MCF2L2: variants seen among roughly 807,000 people sequenced by gnomAD.
The protein encoded by MCF2L2 is probable guanine nucleotide exchange factor MCF2L2.
In MCF2L2, 102 loss-of-function variants were observed where a neutral mutation model predicts 150.2. The observed-to-expected ratio is 0.68, with a 90% CI of 0.58 to 0.80. The LOEUF is 0.80. Among genes scored for constraint, MCF2L2 ranks in the 30% least tolerant of loss-of-function variants. The pLI is 0.00. For missense variants in MCF2L2, 1,256 were observed against 1,372.8 expected (o/e 0.91, Z 1.34); for synonymous variants, 465 against 491.3 (o/e 0.95, Z 0.71).
intron 25 of MCF2L2, among the ~76,000 whole-genome samples, chr3:183,198,013 C>G (rs9878837): frequency 0.61 from 92,117 of 152,040 alleles, 28,231 homozygotes; most frequent in East Asian, 0.67. Flanking sequence ...ACTTTGGAAA[C>G]TATTTAGAAA....
rs900357307 is a variant in MCF2L2, at chr3:183,305,496, G to A, written c.1113+4220C>T. Among the ~76,000 whole-genome samples the A allele has an allele frequency of 3.3e-5, 5 of 152,160 alleles. No homozygotes were observed. The highest frequency in any genetic ancestry group is 7.3e-5 in the Non-Finnish European group (5 of 68,034). On this transcript the variant is annotated intron_variant, in intron 10 of 29. Coordinates refer to ENST00000328913, the MANE Select transcript of MCF2L2 (RefSeq NM_015078.4). This position sits in a 1 kb window ranked among gnomAD's most constrained non-coding sequence, Gnocchi z 4.1. ...TCAGAATTTTCCAGAAGACATTTGA[G>A]ATGTTAGAGGGAAGATGTGTGTAAC... is the stretch of plus-strand genomic sequence containing the variant.
At chr3:183,238,940 C>T (rs1312193709) in intron 15 of MCF2L2, among the ~76,000 whole-genome samples, 1 of 141,134 alleles carries the variant, frequency 7.1e-6, no homozygotes, top group Non-Finnish European at 1.5e-5. Context: ...GAGCTTGCAG[C>T]GAGCCGAGAT....
At chr3:183,406,866 AT>A (rs1715070971) in intron 1 of MCF2L2, among the ~76,000 whole-genome samples, 1 of 152,198 alleles carries the variant, frequency 6.6e-6, no homozygotes, top group African/African-American at 2.4e-5. Context: ...AGAAAAAAAA[AT>A]GTCAACGTTA....
At chr3:183,362,071 A>G (rs1712241607) in intron 3 of MCF2L2, among the ~76,000 whole-genome samples, 1 of 152,142 alleles carries the variant, frequency 6.6e-6, no homozygotes, top group African/African-American at 2.4e-5. Context: ...AAATATTCCA[A>G]AATCTGAAAA....
At chr3:183,260,259 T>C (rs1176469925) in intron 15 of MCF2L2, among the ~76,000 whole-genome samples, 2 of 152,084 alleles carry the variant, frequency 1.3e-5, no homozygotes, top group African/African-American at 2.4e-5. Flanking sequence ...GCTACCACAT[T>C]CGTAAGGCAT....
chr3:183,202,031 G>A (rs1266244850), intron 25 of MCF2L2, among the ~76,000 whole-genome samples: 1 of 152,118 alleles, frequency 6.6e-6, no homozygotes, highest in Non-Finnish European at 1.5e-5. Flanking sequence ...TTCCTTGGTG[G>A]TAGCCTTAGA....
At chr3:183,358,907 A>C (rs1332901108) in intron 3 of MCF2L2, among the ~76,000 whole-genome samples, 1 of 152,100 alleles carries the variant, frequency 6.6e-6, no homozygotes, top group Non-Finnish European at 1.5e-5. Flanking sequence ...GGGTATGATT[A>C]CTACCATGCC....
At chr3:183,394,229 G>A (rs1714322108) in intron 1 of MCF2L2, among the ~76,000 whole-genome samples, 1 of 152,172 alleles carries the variant, frequency 6.6e-6, no homozygotes, top group Non-Finnish European at 1.5e-5. Flanking sequence ...CCATGAACCA[G>A]GATCTCTGCT....
intron 3 of MCF2L2, among the ~76,000 whole-genome samples, chr3:183,359,196 C>T (rs1455564649): frequency 6.6e-6 from 1 of 152,130 alleles, no homozygotes; most frequent in Non-Finnish European, 1.5e-5. Context: ...ACAGCCCTTA[C>T]AGGAATTAAG....
chr3:183,373,346 T>C lies in MCF2L2; in HGVS notation c.275+5951A>G, dbSNP rs544791947. The C allele has an allele frequency of 2.0e-5, 3 of 152,322 alleles. No homozygotes were observed. The South Asian group carries it at 6.2e-4, about 32-fold the overall frequency. 9.4% of individuals were successfully genotyped at this position (152,322 alleles called of 1,614,324 possible). On this transcript the variant is annotated intron_variant, in intron 3 of 29. Coordinates refer to ENST00000328913, the MANE Select transcript of MCF2L2 (RefSeq NM_015078.4). Reference sequence around the variant, plus strand: ...CAATAGTTCCTTATGTACAGTACTATACATAATTCACAAAGAAATTCCAGG... The same window carrying C: ...CAATAGTTCCTTATGTACAGTACTACACATAATTCACAAAGAAATTCCAGG...
At chr3:183,190,659 C>A (rs894885566) in intron 27 of MCF2L2, among the ~76,000 whole-genome samples, 4 of 152,144 alleles carry the variant, frequency 2.6e-5, no homozygotes, top group Non-Finnish European at 5.9e-5. Flanking sequence ...GGGCCATAAG[C>A]CACCCTTAGG....
chr3:183,188,676 A>G (rs1204591477), intron 27 of MCF2L2, among the ~76,000 whole-genome samples: 1 of 152,154 alleles, frequency 6.6e-6, no homozygotes, highest in Non-Finnish European at 1.5e-5. Flanking sequence ...TGATCAAAGC[A>G]GTGTTATACA....
At chr3:183,366,265 A>T (rs569190961) in intron 3 of MCF2L2, among the ~76,000 whole-genome samples, 10 of 152,310 alleles carry the variant, frequency 6.6e-5, no homozygotes, top group Admixed American at 3.9e-4. Context: ...TTTTTTACAT[A>T]AAAAAATTCC....
At chr3:183,192,731 A>G in intron 27 of MCF2L2, 1 of 367,846 alleles carries the variant, frequency 2.7e-6, no homozygotes, top group Non-Finnish European at 4.9e-6. Context: ...AGTAACTAAA[A>G]CCTGGAAAGT....
chr3:183,227,531 C>G lies in MCF2L2; in HGVS notation c.2115+766G>C, dbSNP rs1411067865. On this transcript the variant is annotated intron_variant, in intron 18 of 29. Coordinates refer to ENST00000328913, the MANE Select transcript of MCF2L2 (RefSeq NM_015078.4). This position sits in a 1 kb window ranked among gnomAD's most constrained non-coding sequence, Gnocchi z 4.0. ...TGAGGTTTTTAGTTTAACACCAGTG[C>G]TTCTCCTCTTGAGAGCATTAGTACA... is the stretch of plus-strand genomic sequence containing the variant. 6.6e-6 allele frequency: 1 copy of G among 152,220 alleles called. No individual in the cohort carries two copies. Among genetic ancestry groups the G allele is most frequent in the Non-Finnish European group, 1.5e-5 (1 of 68,044 alleles). The allele number at this position is 152,220 out of a possible 1,614,324, so 9.4% of individuals were successfully genotyped here.
intron 9 of MCF2L2, 146 bp downstream of exon 9, chr3:183,310,769 G>C: frequency 1.6e-6 from 1 of 610,256 alleles, no homozygotes; most frequent in South Asian, 2.1e-5. Flanking sequence ...GGGGGTTGGA[G>C]GGGGTGGTCT....
intron 1 of MCF2L2, among the ~76,000 whole-genome samples, chr3:183,423,458 T>C (rs1715988804): frequency 6.6e-6 from 1 of 152,146 alleles, no homozygotes; most frequent in African/African-American, 2.4e-5. Flanking sequence ...TCTTTTCTGC[T>C]TCACAGTTAA....
At chr3:183,272,956 G>A (rs1577011380) in intron 15 of MCF2L2, 1 of 1,439,296 alleles carries the variant, frequency 6.9e-7, no homozygotes, top group Non-Finnish European at 9.1e-7. Flanking sequence ...AGAATAGAAT[G>A]GAACAAGTTT....
intron 1 of MCF2L2, among the ~76,000 whole-genome samples, chr3:183,400,091 T>A (rs1714660360): frequency 6.6e-6 from 1 of 152,206 alleles, no homozygotes. Context: ...TTCCATATTA[T>A]AACCTAATTT....
Sources: allele counts gnomAD v4.1 joint callset (sites outside exome capture counted in the v4.1 genomes callset), GRCh38; gene constraint gnomAD v4.1.1; non-coding constraint Gnocchi (gnomAD v3.1); transcripts MANE v1.5; gene names NCBI Gene and HGNC (gene_info 2026-07-23, HGNC 2026-07-21).